The following DPF1 variants were observed in gnomAD, a reference collection of about 807,000 sequenced individuals.
DPF1 encodes double PHD fingers 1.
A neutral mutation model predicts 58.7 loss-of-function variants in DPF1; 14 were observed. That is an observed-to-expected ratio of 0.24 (90% CI 0.16 to 0.37). DPF1 has a LOEUF of 0.37. Ranked by LOEUF, DPF1 falls within the 10% of genes least tolerant of loss-of-function variation. The pLI is 1.00. For missense variants in DPF1, 345 were observed against 529.9 expected (o/e 0.65, Z 3.43); for synonymous variants, 216 against 216.0 (o/e 1.00, Z 0.00).
At position 38,211,870 on chromosome 19, in the gene DPF1, G is replaced by A. The variant is rs1176351419; in HGVS notation, c.*193C>T. The stretch of plus-strand genomic sequence containing the variant: ...GGACAGAGAGGGAGGGAGGGAGGGA[G>A]AGGCCCTGGCCGGGCCCACCCACCC... On this transcript the variant is annotated 3_prime_UTR_variant, in exon 12 of 12. Transcript: ENST00000355526. The surrounding 1 kb of genome is among the most constrained non-coding windows in gnomAD (Gnocchi z 4.0). 1.3e-5 allele frequency: 8 copies of A among 613,190 alleles called. No homozygotes were observed. Among genetic ancestry groups the A allele is most frequent in the Middle Eastern group, 4.3e-4 (1 of 2,300 alleles). 38.0% of individuals were successfully genotyped at this position (613,190 alleles called of 1,614,324 possible).
At position 38,218,544 on chromosome 19, in the gene DPF1, C is replaced by T. The variant is rs201650538; in HGVS notation, c.516+29G>A. ...GAATGAGACCTGTCATTGAGGGGAG[C>T]GGGGAAGAGGAGAAGCTTGGGGTGA... On this transcript the variant is annotated intron_variant, in intron 5 of 11. Coordinates refer to ENST00000355526, the MANE Select transcript of DPF1 (RefSeq NM_001135155.3). 3.7e-5 allele frequency: 60 copies of T among 1,607,062 alleles called. No homozygotes were observed. The Admixed American group carries it at 6.5e-4, about 17-fold the overall frequency.
chr19:38,217,491 G>A lies in DPF1; in HGVS notation c.696C>T (p.Ala232=), dbSNP rs1349218069. ...EEGEENAERH[A]LPFHRKNNHK... Reference sequence around the variant, plus strand: ...GGTTGTTTTTCCGGTGGAAGGGCAGGGCGTGGCGTTCGGCGTTCTCCTCCC... The same window carrying A: ...GGTTGTTTTTCCGGTGGAAGGGCAGAGCGTGGCGTTCGGCGTTCTCCTCCC... The change falls in exon 7 of 12, where the codon GCC becomes GCT. Residue 232 remains alanine (A), a synonymous_variant. Transcript: ENST00000355526. 11 of 1,551,096 alleles carry A rather than the reference G, an allele frequency of 7.1e-6. No individual in the cohort carries two copies. The highest frequency in any genetic ancestry group is 7.8e-6 in the Non-Finnish European group (9 of 1,146,890).
chr19:38,213,554 G>T, intron 10 of DPF1, 90 bp downstream of exon 10: 1 of 1,137,866 alleles, frequency 8.8e-7, no homozygotes, highest in Non-Finnish European at 1.3e-6. Context: ...ACCAGGGAAG[G>T]CTCAGGCACA....
upstream of DPF1, among the ~76,000 whole-genome samples, chr19:38,226,537 CACT>C (rs1967831793): frequency 4.6e-5 from 7 of 151,002 alleles, no homozygotes; most frequent in African/African-American, 9.8e-5. Context: ...CACACACACA[CACT>C]CCTCTAGTCT....
upstream of DPF1, chr19:38,224,382 C>G: frequency 1.1e-6 from 1 of 940,266 alleles, no homozygotes; most frequent in South Asian, 4.4e-5. The surrounding 1 kb of genome is among the most constrained non-coding windows in gnomAD (Gnocchi z 4.5). Flanking sequence ...GGGCACGCAC[C>G]GTCACTCACC....
At chr19:38,226,503 T>TACACACACACACACACAC (rs60328056), upstream of DPF1, among the ~76,000 whole-genome samples, 38 of 133,786 alleles carry the variant, frequency 2.8e-4, no homozygotes, top group East Asian at 2.1e-3. Flanking sequence ...CGGTCACTTC[T>TACACACACACACACACAC]ACACACACAC....
chr19:38,218,457 G>C (rs1967199778), intron 5 of DPF1, 116 bp downstream of exon 5: 1 of 1,079,728 alleles, frequency 9.3e-7, no homozygotes, highest in South Asian at 1.3e-5. Flanking sequence ...CCGCTCTGGG[G>C]ATTCAATGAG....
Position 38,222,819 on chromosome 19 carries a change from A to G in DPF1, c.30-111T>C, listed in dbSNP as rs1052571088. On this transcript the variant is annotated intron_variant, in intron 1 of 11. Coordinates refer to ENST00000355526, the MANE Select transcript of DPF1 (RefSeq NM_001135155.3). The surrounding 1 kb of genome is among the most constrained non-coding windows in gnomAD (Gnocchi z 4.9). ...GCCCAGGCTCGGGAGGGGTGGGCCG[A>G]CCCCTCCAGCCTCACCTCTCCCCTC... is the stretch of plus-strand genomic sequence containing the variant. 5.9e-6 allele frequency: 8 copies of G among 1,359,450 alleles called. No homozygotes were observed. The highest frequency in any genetic ancestry group is 7.7e-6 in the Non-Finnish European group (8 of 1,044,400). 84.2% of individuals were successfully genotyped at this position (1,359,450 alleles called of 1,614,324 possible). A position where few individuals can be genotyped will look rare whatever the true frequency, so the allele number is the denominator to read the frequency against.
chr19:38,217,601 G>A lies in DPF1; in HGVS notation c.596-10C>T, dbSNP rs747124096. ...TACCGTTTCCCACAGACTGGGGAGC[G>A]AGCGAGCCAGGAGGGCCTGTCAGCC... On this transcript the variant is annotated splice_polypyrimidine_tract_variant and intron_variant, in intron 6 of 11. Coordinates refer to ENST00000355526, the MANE Select transcript of DPF1 (RefSeq NM_001135155.3). The A allele has an allele frequency of 8.4e-5, 130 of 1,543,824 alleles. 1 individual carries two copies. The highest frequency in any genetic ancestry group is 6.0e-4 in the South Asian group (50 of 83,288).
At position 38,222,539 on chromosome 19, in the gene DPF1, C is replaced by G. The variant is rs371254694; in HGVS notation, c.190+9G>C. 2.5e-6 allele frequency: 4 copies of G among 1,604,186 alleles called. No individual in the cohort carries two copies. Among genetic ancestry groups the G allele is most frequent in the South Asian group, 1.1e-5 (1 of 90,114 alleles). ...CCGCCCCGCCCTGCGCCAGCCCTCC[C>G]GGCGGTACCCGGCCCGCGGTGGGTC... is the stretch of plus-strand genomic sequence containing the variant. On this transcript the variant is annotated intron_variant, in intron 2 of 11. Transcript: ENST00000355526. This position sits in a 1 kb window ranked among gnomAD's most constrained non-coding sequence, Gnocchi z 4.9.
At chr19:38,229,088 C>A (rs1326719747), upstream of DPF1, among the ~76,000 whole-genome samples, 1 of 151,884 alleles carries the variant, frequency 6.6e-6, no homozygotes, top group East Asian at 1.9e-4. The surrounding 1 kb of genome is among the most constrained non-coding windows in gnomAD (Gnocchi z 5.3). Flanking sequence ...CCTGCGGCCG[C>A]GAGGGCCGGG....
At chr19:38,227,931 C>T (rs1320445927), upstream of DPF1, 1 of 152,270 alleles carries the variant, frequency 6.6e-6, no homozygotes, top group African/African-American at 2.4e-5. Flanking sequence ...TAGGGCCCTC[C>T]CAGTCCAGGC....
chr19:38,216,931 C>T (rs375285264), intron 7 of DPF1, among the ~76,000 whole-genome samples: 7 of 152,302 alleles, frequency 4.6e-5, no homozygotes, highest in Admixed American at 2.0e-4. Flanking sequence ...AACAGACACT[C>T]GGAAGAAAAA....
At chr19:38,226,539 CTCCTCTAGTCTT>C (rs1967832804), upstream of DPF1, among the ~76,000 whole-genome samples, 1 of 148,748 alleles carries the variant, frequency 6.7e-6, no homozygotes, top group South Asian at 2.1e-4. Context: ...CACACACACA[CTCCTCTAGTCTT>C]AGACCCTTTC....
At chr19:38,223,833 C>G in intron 1 of DPF1, 1 of 332,628 alleles carries the variant, frequency 3.0e-6, no homozygotes, top group Non-Finnish European at 5.4e-6. Flanking sequence ...CGGGTCATTT[C>G]AGTCTCTCCC....
At chr19:38,218,523 G>A in intron 5 of DPF1, 50 bp downstream of exon 5, 2 of 1,585,888 alleles carry the variant, frequency 1.3e-6, no homozygotes, top group Non-Finnish European at 1.7e-6. Context: ...CTCCATGAAT[G>A]AGACCTGTCA....
Position 38,211,833 on chromosome 19 carries a change from C to T in DPF1, c.*230G>A. The T allele has an allele frequency of 1.7e-6, 1 of 576,254 alleles. No homozygotes were observed. The highest frequency in any genetic ancestry group is 3.0e-5 in the East Asian group (1 of 33,564). 35.7% of individuals were successfully genotyped at this position (576,254 alleles called of 1,614,324 possible). A position where few individuals can be genotyped will look rare whatever the true frequency, so the allele number is the denominator to read the frequency against. On this transcript the variant is annotated 3_prime_UTR_variant, in exon 12 of 12. Transcript: ENST00000355526. The surrounding 1 kb of genome is among the most constrained non-coding windows in gnomAD (Gnocchi z 4.0). ...CTTTGAGGGGAGAAGCCCCTGGTGT[C>T]CATTTGCCAAGGGACAGAGAGGGAG...
At chr19:38,214,695 C>A (rs901234279) in intron 9 of DPF1, among the ~76,000 whole-genome samples, 1 of 152,148 alleles carries the variant, frequency 6.6e-6, no homozygotes, top group African/African-American at 2.4e-5. Flanking sequence ...AACAAGGTCT[C>A]ACTCTGTTGC....
chr19:38,226,086 G>C (rs571555046), upstream of DPF1, among the ~76,000 whole-genome samples: 5 of 151,866 alleles, frequency 3.3e-5, no homozygotes, highest in South Asian at 2.1e-4. Context: ...AAGGAAGGAG[G>C]CAGGCACCCC....
Sources: allele counts gnomAD v4.1 joint callset (sites outside exome capture counted in the v4.1 genomes callset), GRCh38; gene constraint gnomAD v4.1.1; non-coding constraint Gnocchi (gnomAD v3.1); transcripts MANE v1.5; gene names NCBI Gene and HGNC (gene_info 2026-07-23, HGNC 2026-07-21).